Variants in ARPC4 observed in about 807,000 individuals in gnomAD.
ARPC4 encodes the protein actin-related protein 2/3 complex subunit 4.
A neutral mutation model predicts 22.8 loss-of-function variants in ARPC4; 3 were observed. The observed-to-expected ratio is 0.13, with a 90% confidence interval of 0.06 to 0.34. The LOEUF (loss-of-function observed/expected upper bound fraction) is 0.34, where lower values mean the gene tolerates loss of function less well. ARPC4 is among the 10% of genes least tolerant of loss of function. The pLI is 1.00. For missense variants in ARPC4, 98 were observed against 211.0 expected (o/e 0.46, Z 3.32); for synonymous variants, 80 against 72.5 (o/e 1.10, Z -0.52).
At position 9,796,797 on chromosome 3, in the gene ARPC4, C is replaced by T. The variant is rs1024598324; in HGVS notation, c.4-862C>T. 3.2e-4 allele frequency among the ~76,000 whole-genome samples: 48 copies of T among 151,760 alleles called. No individual in the cohort carries two copies. The East Asian group carries it at 4.5e-3, about 14-fold the overall frequency. ...TCTACTAAAAATACAAAAAGTTAGC[C>T]GGGTGTGGTGGTGGGCGCCTGTAGT... On this transcript the variant is annotated intron_variant, in intron 1 of 5. Coordinates refer to ENST00000397261, the MANE Select transcript of ARPC4 (RefSeq NM_005718.5).
rs2079113464 is a variant in ARPC4 at position 9,806,794 on chromosome 3, T to C, written c.*579T>C. On this transcript the variant is annotated 3_prime_UTR_variant, in exon 6 of 6. Transcript: ENST00000397261. Reference sequence around the variant, plus strand: ...CCTAAAGATGGCCCCCCAGCACTGGTTGGGGACAAGGGCCAAATTGGTGAC... The same window carrying C: ...CCTAAAGATGGCCCCCCAGCACTGGCTGGGGACAAGGGCCAAATTGGTGAC... The C allele has an allele frequency of 6.5e-6, 1 of 154,234 alleles. No individual in the cohort carries two copies. The highest frequency in any genetic ancestry group is 6.5e-5 in the Admixed American group (1 of 15,458). 9.6% of individuals were successfully genotyped at this position (154,234 alleles called of 1,614,324 possible).
intron 2 of ARPC4, chr3:9,798,266 A>C (rs895125623): frequency 6.5e-6 from 1 of 153,474 alleles, no homozygotes; most frequent in African/African-American, 2.4e-5. Context: ...TTTCCATTTC[A>C]TAAATATCTT....
At chr3:9,806,080 C>G in intron 5 of ARPC4, 130 bp from the exon 6 acceptor site, 1 of 1,074,108 alleles carries the variant, frequency 9.3e-7, no homozygotes, top group Non-Finnish European at 1.4e-6. Context: ...CACAAGGTGT[C>G]CTGGGACCCA....
At chr3:9,792,821 C>A (rs1377142557), upstream of ARPC4, 13 of 1,353,562 alleles carry the variant, frequency 9.6e-6, no homozygotes, top group African/African-American at 1.5e-5. Context: ...CCATTGCATA[C>A]CTGGGGGAGG....
chr3:9,793,747 G>T (rs565913859), intron 1 of ARPC4, among the ~76,000 whole-genome samples: 2 of 150,146 alleles, frequency 1.3e-5, no homozygotes, highest in Non-Finnish European at 2.9e-5. Flanking sequence ...ATACATGTGG[G>T]CCTTTTTCAT....
intron 4 of ARPC4, among the ~76,000 whole-genome samples, chr3:9,803,074 G>A (rs1350609225): frequency 2.0e-5 from 3 of 151,786 alleles, no homozygotes; most frequent in South Asian, 2.1e-4. Flanking sequence ...TAGTAGAGAC[G>A]GGGTTTCACT....
At chr3:9,804,194 T>C (rs2079065172) in intron 5 of ARPC4, 181 bp downstream of exon 5, 1 of 586,538 alleles carries the variant, frequency 1.7e-6, no homozygotes, top group South Asian at 2.8e-5. Context: ...CAAGTTCATC[T>C]CTGAGAGCTA....
At chr3:9,792,988 T>C (rs187036455), upstream of ARPC4, 47 of 1,462,864 alleles carry the variant, frequency 3.2e-5, no homozygotes, top group African/African-American at 6.1e-4. Flanking sequence ...AAGGGCTCTC[T>C]ACCCCGCTCG....
intron 5 of ARPC4, 28 bp downstream of exon 5, chr3:9,804,041 C>T: frequency 6.2e-7 from 1 of 1,609,628 alleles, no homozygotes; most frequent in Non-Finnish European, 8.5e-7. Context: ...GCTTTCCTTC[C>T]AGAGGCCAGA....
upstream of ARPC4, chr3:9,792,950 A>G: frequency 7.1e-7 from 1 of 1,413,004 alleles, no homozygotes; most frequent in Non-Finnish European, 9.2e-7. Context: ...CCCTAGGTGG[A>G]AAACTTCCGG....
chr3:9,801,369 T>TA (rs2079007360), intron 3 of ARPC4, among the ~76,000 whole-genome samples: 1 of 151,970 alleles, frequency 6.6e-6, no homozygotes, highest in South Asian at 2.1e-4. Flanking sequence ...AATGTGACAC[T>TA]AGTGAAATGA....
At chr3:9,802,836 C>G (rs552839976) in intron 4 of ARPC4, among the ~76,000 whole-genome samples, 1 of 151,202 alleles carries the variant, frequency 6.6e-6, no homozygotes, top group Non-Finnish European at 1.5e-5. Context: ...TGCTACCATG[C>G]CCAGCTAATT....
intron 2 of ARPC4, chr3:9,799,907 C>T (rs777929991): frequency 3.5e-6 from 2 of 566,724 alleles, no homozygotes; most frequent in Middle Eastern, 2.7e-4. Context: ...GAATCAGAGT[C>T]ATTTTACAGA....
chr3:9,800,100 C>A, intron 2 of ARPC4, 85 bp from the exon 3 acceptor site: 1 of 1,361,776 alleles, frequency 7.3e-7, no homozygotes, highest in East Asian at 2.4e-5. Flanking sequence ...TCTATGGTCT[C>A]ATAGTGATTC....
Position 9,806,639 on chromosome 3 carries a change from T to C in ARPC4, c.*424T>C. The C allele has an allele frequency of 5.1e-6, 1 of 195,462 alleles. No homozygotes were observed. Among genetic ancestry groups the C allele is most frequent in the Non-Finnish European group, 1.0e-5 (1 of 95,418 alleles). The allele number at this position is 195,462 out of a possible 1,614,324, so 12.1% of individuals were successfully genotyped here. A position where few individuals can be genotyped will look rare whatever the true frequency, so the allele number is the denominator to read the frequency against. ...GAGCCAGAAGGCGACTTATTTTTTC[T>C]CTCCTATGCCACCCCAGGTGGGGAG... On this transcript the variant is annotated 3_prime_UTR_variant, in exon 6 of 6. Transcript: ENST00000397261.
intron 1 of ARPC4, among the ~76,000 whole-genome samples, chr3:9,793,454 C>T (rs747589876): frequency 4.0e-4 from 61 of 152,180 alleles, no homozygotes; most frequent in Non-Finnish European, 6.6e-4. Flanking sequence ...GGCCTCTTAG[C>T]CTCTGAGGCA....
At position 9,806,776 on chromosome 3, in the gene ARPC4, A is replaced by T. The variant is rs1175075395; in HGVS notation, c.*561A>T. Reference sequence around the variant, plus strand: ...CCAGCTTCCTGAGTTCTGCCTAAAGATGGCCCCCCAGCACTGGTTGGGGAC... The same window carrying T: ...CCAGCTTCCTGAGTTCTGCCTAAAGTTGGCCCCCCAGCACTGGTTGGGGAC... On this transcript the variant is annotated 3_prime_UTR_variant, in exon 6 of 6. Coordinates refer to ENST00000397261, the MANE Select transcript of ARPC4 (RefSeq NM_005718.5). 6.4e-6 allele frequency: 1 copy of T among 155,694 alleles called. No homozygotes were observed. The highest frequency in any genetic ancestry group is 1.4e-5 in the Non-Finnish European group (1 of 70,230). The allele number at this position is 155,694 out of a possible 1,614,324, so 9.6% of individuals were successfully genotyped here.
intron 4 of ARPC4, 96 bp downstream of exon 4, chr3:9,801,852 A>G (rs1252604033): frequency 8.2e-7 from 1 of 1,222,618 alleles, no homozygotes; most frequent in Non-Finnish European, 1.1e-6. Context: ...GCTGTTTGGC[A>G]CCCACTGCCT....
chr3:9,801,405 A>C (rs937318534), intron 3 of ARPC4, among the ~76,000 whole-genome samples: 1 of 152,020 alleles, frequency 6.6e-6, no homozygotes. Context: ...CTTGGAGTAC[A>C]GCTGTAGACT....
Sources: allele counts gnomAD v4.1 joint callset (sites outside exome capture counted in the v4.1 genomes callset), GRCh38; gene constraint gnomAD v4.1.1; transcripts MANE v1.5; gene names NCBI Gene and HGNC (gene_info 2026-07-23, HGNC 2026-07-21).